Variants in NPLOC4 observed in about 807,000 individuals in gnomAD.
NPLOC4 encodes nuclear protein localization protein 4 homolog.
A neutral mutation model predicts 80.6 loss-of-function variants in NPLOC4; 18 were observed. That is an observed-to-expected ratio of 0.22 (90% CI 0.15 to 0.33). The LOEUF (loss-of-function observed/expected upper bound fraction) is 0.33. Among genes scored for constraint, NPLOC4 ranks in the 10% least tolerant of loss-of-function variants. The pLI is 1.00. For missense variants in NPLOC4, 540 were observed against 786.1 expected, an observed-to-expected ratio of 0.69 and a Z score of 3.74; for synonymous variants, 313 against 301.5, an observed-to-expected ratio of 1.04 and a Z score of -0.39.
intron 2 of NPLOC4, 120 bp from the exon 3 acceptor site, chr17:81,622,398 C>T (rs2035693070): frequency 1.4e-6 from 1 of 732,218 alleles, no homozygotes; most frequent in Non-Finnish European, 2.4e-6. Flanking sequence ...CCATCATTTA[C>T]CAAATTCCTC....
In NPLOC4 at chr17:81,575,669, C is replaced by G. The variant is rs576517986; in HGVS notation, c.1282-3581G>C. On this transcript the variant is annotated intron_variant, in intron 12 of 16. Transcript: ENST00000331134. Reference sequence around the variant, plus strand: ...CCCCACACTACGTGCGCAGGCTCCCCGCCTCCCAAGTCAGTGCCGGTGCTG... The same window carrying G: ...CCCCACACTACGTGCGCAGGCTCCCGGCCTCCCAAGTCAGTGCCGGTGCTG... Among the ~76,000 whole-genome samples, 339 of 152,298 alleles carry G rather than the reference C, an allele frequency of 2.2e-3. 5 individuals are homozygous for G. The highest frequency in any genetic ancestry group is 8.0e-3 in the African/African-American group (331 of 41,546).
At position 81,557,876 on chromosome 17, in the gene NPLOC4, A is replaced by G. The variant is rs553221293; in HGVS notation, c.*1383T>C. On this transcript the variant is annotated 3_prime_UTR_variant, in exon 17 of 17. Transcript: ENST00000331134. ...CCAGGCGGACCTGGAGGTGTCAGCC[A>G]TGGCCCTGACCACTTCAGAAGCCAA... is the stretch of plus-strand genomic sequence containing the variant. 1 of 152,340 alleles carries G rather than the reference A, an allele frequency of 6.6e-6. No homozygotes were observed. The highest frequency in any genetic ancestry group is 1.9e-4 in the East Asian group (1 of 5,184). 9.4% of individuals were successfully genotyped at this position (152,340 alleles called of 1,614,324 possible).
chr17:81,565,690 ACAT>A, intron 15 of NPLOC4, 83 bp from the exon 16 acceptor site: 1 of 997,436 alleles, frequency 1.0e-6, no homozygotes, highest in Non-Finnish European at 1.5e-6. Context: ...TTTCTCCCCA[ACAT>A]CAAGACGTAT....
intron 2 of NPLOC4, among the ~76,000 whole-genome samples, chr17:81,626,499 T>A (rs2035799316): frequency 6.6e-6 from 1 of 151,366 alleles, no homozygotes; most frequent in Non-Finnish European, 1.5e-5. Context: ...AAGCCAGAGG[T>A]CAACGAAGAC....
At chr17:81,571,828 T>A (rs537206732) in intron 13 of NPLOC4, among the ~76,000 whole-genome samples, 189 bp downstream of exon 13, 1 of 152,164 alleles carries the variant, frequency 6.6e-6, no homozygotes. Flanking sequence ...ACTGTGAGCA[T>A]TTCAGCAACA....
intron 2 of NPLOC4, among the ~76,000 whole-genome samples, chr17:81,623,195 G>A (rs1192039678): frequency 1.3e-5 from 2 of 151,728 alleles, no homozygotes; most frequent in African/African-American, 4.8e-5. Context: ...ACTCTGGCCG[G>A]GTGTGGAGGC....
Position 81,567,348 on chromosome 17 carries a change from G to T in NPLOC4, c.1566+69C>A. The T allele has an allele frequency of 2.1e-6, 2 of 932,714 alleles. No homozygotes were observed. The highest frequency in any genetic ancestry group is 3.4e-6 in the Non-Finnish European group (2 of 581,676). The allele number at this position is 932,714 out of a possible 1,614,324, so 57.8% of individuals were successfully genotyped here. On this transcript the variant is annotated intron_variant, in intron 15 of 16. Coordinates refer to ENST00000331134, the MANE Select transcript of NPLOC4 (RefSeq NM_017921.4). This position sits in a 1 kb window ranked among gnomAD's most constrained non-coding sequence, Gnocchi z 4.5. Reference sequence around the variant, plus strand: ...ATGCTCTGGTCTGGGAGGAAAGAAAGCAAGACACAGGCGTCTCTTTGCAGC... The same window carrying T: ...ATGCTCTGGTCTGGGAGGAAAGAAATCAAGACACAGGCGTCTCTTTGCAGC...
At chr17:81,635,974 ATTT>A (rs11375745) in intron 1 of NPLOC4, among the ~76,000 whole-genome samples, 83 of 141,660 alleles carry the variant, frequency 5.9e-4, no homozygotes, top group African/African-American at 2.0e-3. Context: ...GTGTGTGACA[ATTT>A]TTTTTTTTTT....
intron 11 of NPLOC4, among the ~76,000 whole-genome samples, chr17:81,594,965 A>C (rs1394464029): frequency 6.6e-6 from 1 of 152,082 alleles, no homozygotes; most frequent in East Asian, 1.9e-4. Flanking sequence ...AAACAAAAAA[A>C]AAAACACAAA....
intron 2 of NPLOC4, among the ~76,000 whole-genome samples, chr17:81,623,893 A>G (rs1468720641): frequency 6.6e-6 from 1 of 152,168 alleles, no homozygotes; most frequent in African/African-American, 2.4e-5. Flanking sequence ...ACTTTGCTAG[A>G]TGCTGGGAAT....
intron 11 of NPLOC4, among the ~76,000 whole-genome samples, chr17:81,591,332 G>A (rs1361030302): frequency 1.3e-5 from 2 of 151,432 alleles, no homozygotes; most frequent in African/African-American, 4.9e-5. Context: ...CTACTCAGGA[G>A]GCAGAGGCAG....
At position 81,567,874 on chromosome 17, in the gene NPLOC4, G is replaced by A. The variant is rs1421648053; in HGVS notation, c.1450-341C>T. 4 of 218,094 alleles carry A rather than the reference G, an allele frequency of 1.8e-5. No individual in the cohort carries two copies. The highest frequency in any genetic ancestry group is 2.8e-5 in the Non-Finnish European group (3 of 108,184). 13.5% of individuals were successfully genotyped at this position (218,094 alleles called of 1,614,324 possible). A position where few individuals can be genotyped will look rare whatever the true frequency, so the allele number is the denominator to read the frequency against. On this transcript the variant is annotated intron_variant, in intron 14 of 16. Transcript: ENST00000331134. The surrounding 1 kb of genome is among the most constrained non-coding windows in gnomAD (Gnocchi z 4.5). ...GAGGCAGGCAGGTGGTCAGGAGTTC[G>A]AGACCAGTCTGGCCAACATGGCGAA...
In NPLOC4 at chr17:81,567,496, G is replaced by C. The variant is rs2034043886; in HGVS notation, c.1487C>G (p.Thr496Ser). 1 of 1,613,536 alleles carries C rather than the reference G, an allele frequency of 6.2e-7. No homozygotes were observed. Among genetic ancestry groups the C allele is most frequent in the Non-Finnish European group, 8.5e-7 (1 of 1,179,580 alleles). Residue 496 changes from threonine to serine, a missense_variant, in exon 15 of 17, where the codon ACC (threonine) becomes AGC (serine). Thr to Ser is a moderately conservative substitution (Grantham distance 58). Transcript: ENST00000331134. This position sits in a 1 kb window ranked among gnomAD's most constrained non-coding sequence, Gnocchi z 4.5. ...HSLATYLSQN[T>S]SSVFLDTISD... ...GATGGTATCCAAGAACACAGATGAG[G>C]TATTCTGAGACAAATAGGTGGCCAA... is the stretch of plus-strand genomic sequence containing the variant.
chr17:81,636,464 A>C (rs2036076473), intron 1 of NPLOC4: 1 of 154,790 alleles, frequency 6.5e-6, no homozygotes, highest in Non-Finnish European at 1.4e-5. Context: ...TTAGTGACTC[A>C]TGACAAGGCA....
intron 2 of NPLOC4, among the ~76,000 whole-genome samples, chr17:81,628,830 G>A (rs1598692540): frequency 6.6e-6 from 1 of 151,930 alleles, no homozygotes. Context: ...AGGAGACCAG[G>A]GAGGAGCCAG....
chr17:81,585,131 C>T (rs1026650619), intron 12 of NPLOC4, among the ~76,000 whole-genome samples: 4 of 120,368 alleles, frequency 3.3e-5, no homozygotes, highest in South Asian at 2.8e-4. Context: ...GATCGCACCA[C>T]TACACTCCAG....
Position 81,567,670 on chromosome 17 carries a change from A to T in NPLOC4, c.1450-137T>A, listed in dbSNP as rs1160316535. On this transcript the variant is annotated intron_variant, in intron 14 of 16. Coordinates refer to ENST00000331134, the MANE Select transcript of NPLOC4 (RefSeq NM_017921.4). This position sits in a 1 kb window ranked among gnomAD's most constrained non-coding sequence, Gnocchi z 4.5. ...CTCTCCCTCTGCCTCTGCAACCACG[A>T]ACAGGGTCCAAGAAAGAGGAGCAGG... 2 of 621,994 alleles carry T rather than the reference A, an allele frequency of 3.2e-6. No homozygotes were observed. Among genetic ancestry groups the T allele is most frequent in the East Asian group, 2.8e-5 (1 of 35,848 alleles). 38.5% of individuals were successfully genotyped at this position (621,994 alleles called of 1,614,324 possible).
At chr17:81,630,698 G>C (rs907009996) in intron 1 of NPLOC4, among the ~76,000 whole-genome samples, 2 of 152,036 alleles carry the variant, frequency 1.3e-5, no homozygotes, top group East Asian at 3.9e-4. Context: ...GGGCAACATG[G>C]GGAAACCCCA....
At chr17:81,600,913 A>C (rs1267533335) in intron 8 of NPLOC4, among the ~76,000 whole-genome samples, 2 of 152,240 alleles carry the variant, frequency 1.3e-5, no homozygotes, top group Non-Finnish European at 2.9e-5. Flanking sequence ...GCTTGGCTTC[A>C]CAGCTAAGAT....
Sources: gnomAD v4.1 joint callset for allele counts (sites outside exome capture counted in the v4.1 genomes callset) on GRCh38, gnomAD v4.1.1 for gene constraint, Gnocchi (gnomAD v3.1) non-coding constraint, MANE v1.5 for transcripts, NCBI Gene and HGNC (gene_info 2026-07-23, HGNC 2026-07-21) for gene names.